The following PSMD5 variants were observed in gnomAD, a reference collection of about 807,000 sequenced individuals.
PSMD5 encodes the protein proteasome 26S subunit, non-ATPase 5.
PSMD5 carries 40 observed loss-of-function variants against 52.1 expected under a neutral mutation model. The observed-to-expected ratio is 0.77, with a 90% CI of 0.60 to 1.00. The LOEUF (loss-of-function observed/expected upper bound fraction) is 1.00. Among genes scored for constraint, PSMD5 ranks in the 50% least tolerant of loss-of-function variants. The pLI is 0.00. For synonymous variants in PSMD5, 211 were observed against 226.6 expected (o/e 0.93, Z 0.62); for missense variants, 575 against 605.2 (o/e 0.95, Z 0.52).
chr9:120,842,210 G>C (rs764556641), intron 1 of PSMD5: 1 of 156,422 alleles, frequency 6.4e-6, no homozygotes, highest in Non-Finnish European at 1.4e-5. Context: ...TCCCTCGTGG[G>C]AACTCTCTTG....
chr9:120,818,601 C>A (rs1282459409), intron 9 of PSMD5, among the ~76,000 whole-genome samples: 1 of 151,914 alleles, frequency 6.6e-6, no homozygotes, highest in Non-Finnish European at 1.5e-5. Flanking sequence ...AGTGCACAAA[C>A]ATTTTCAAGA....
intron 6 of PSMD5, 70 bp downstream of exon 6, chr9:120,826,695 C>A: frequency 2.0e-6 from 3 of 1,524,096 alleles, no homozygotes; most frequent in Non-Finnish European, 2.7e-6. Context: ...CTACCCCAAC[C>A]CCCTGATGTC....
intron 1 of PSMD5, among the ~76,000 whole-genome samples, chr9:120,838,106 G>C (rs1450146527): frequency 6.6e-6 from 1 of 152,250 alleles, no homozygotes; most frequent in African/African-American, 2.4e-5. Context: ...CAGATCAGTG[G>C]TTGACTGGTT....
chr9:120,831,566 A>G (rs2045160442), intron 3 of PSMD5, 107 bp from the exon 4 acceptor site: 1 of 1,345,258 alleles, frequency 7.4e-7, no homozygotes. Flanking sequence ...CCCATGTTTT[A>G]GCTATTATTT....
chr9:120,840,501 A>G (rs1049510094), intron 1 of PSMD5, among the ~76,000 whole-genome samples: 5 of 151,682 alleles, frequency 3.3e-5, no homozygotes, highest in African/African-American at 1.2e-4. Context: ...GCTGGAGTGC[A>G]GTGGTGCAAT....
At chr9:120,842,514 A>C (rs1043257717) in intron 1 of PSMD5, 7 of 589,510 alleles carry the variant, frequency 1.2e-5, no homozygotes, top group Non-Finnish European at 2.1e-5. Flanking sequence ...GCTCAGAGGC[A>C]GCGAGGCCAG....
chr9:120,817,886 T>TACA lies in PSMD5; in HGVS notation c.*17_*19dup. ...AAGTTTTGGTCAAAACGTGGTCCTC[T>TACA]ACATGAGCTCTAGAAGAAATCATTC... On this transcript the variant is annotated 3_prime_UTR_variant, in exon 10 of 10. Coordinates refer to ENST00000210313, the MANE Select transcript of PSMD5 (RefSeq NM_005047.4). 6.2e-7 allele frequency: 1 copy of TACA among 1,601,010 alleles called. No individual in the cohort carries two copies. The highest frequency in any genetic ancestry group is 8.5e-7 in the Non-Finnish European group (1 of 1,170,656).
intron 4 of PSMD5, among the ~76,000 whole-genome samples, chr9:120,829,410 T>C (rs934841690): frequency 2.4e-4 from 37 of 152,296 alleles, no homozygotes; most frequent in African/African-American, 8.7e-4. Context: ...ATTATTATTT[T>C]TGAGACAGAG....
chr9:120,824,261 G>C (rs1456235534), intron 7 of PSMD5: 1 of 543,320 alleles, frequency 1.8e-6, no homozygotes, highest in Admixed American at 3.2e-5. Flanking sequence ...GAAATCGATT[G>C]GTAGAAACCT....
In PSMD5 at chr9:120,842,730, C is replaced by G; in HGVS notation, c.173+7G>C. 6.2e-7 allele frequency: 1 copy of G among 1,613,224 alleles called. No homozygotes were observed. The highest frequency in any genetic ancestry group is 8.5e-7 in the Non-Finnish European group (1 of 1,180,010). On this transcript the variant is annotated splice_region_variant and intron_variant, in intron 1 of 9. Coordinates refer to ENST00000210313, the MANE Select transcript of PSMD5 (RefSeq NM_005047.4). ...CTCCTCGGCTCAAGCCCCCGGGGTC[C>G]TCTCACCTATGGTTCTCGTTAAGCA...
At chr9:120,832,326 A>C (rs2045166906) in intron 2 of PSMD5, among the ~76,000 whole-genome samples, 1 of 151,406 alleles carries the variant, frequency 6.6e-6, no homozygotes, top group Non-Finnish European at 1.5e-5. Flanking sequence ...CAGGCAAAGC[A>C]CCTGCTACAG....
Position 120,831,454 on chromosome 9 carries a change from G to A in PSMD5, c.438C>T (p.Ile146=), listed in dbSNP as rs764478153. 6.2e-7 allele frequency: 1 copy of A among 1,606,634 alleles called. No homozygotes were observed. Among genetic ancestry groups the A allele is most frequent in the Non-Finnish European group, 8.5e-7 (1 of 1,177,804 alleles). The change falls in exon 4 of 10, where the codon ATC becomes ATT. Residue 146 remains isoleucine (I), a synonymous_variant. Transcript: ENST00000210313. ...GENLSVAKAA[I]KSLSRISLTQ... is the part of the protein sequence containing the mutation. ...TTAGTGATATTCTTGACAGGGATTT[G>A]ATAGCCTTATAACGAAAGAAAATAT... is the stretch of plus-strand genomic sequence containing the variant.
chr9:120,833,672 CTTTTTTTT>C (rs71385094), intron 1 of PSMD5, among the ~76,000 whole-genome samples: 7 of 85,620 alleles, frequency 8.2e-5, no homozygotes, highest in East Asian at 3.3e-4. Flanking sequence ...CTCTAGTCTT[CTTTTTTTT>C]TTTTTTTTTT....
At chr9:120,833,179 G>C in intron 2 of PSMD5, 133 bp downstream of exon 2, 1 of 1,028,210 alleles carries the variant, frequency 9.7e-7, no homozygotes. Context: ...GGGGGAAAGA[G>C]GGAGCAGAGG....
intron 1 of PSMD5, 163 bp downstream of exon 1, chr9:120,842,574 C>A: frequency 1.2e-6 from 1 of 851,218 alleles, no homozygotes; most frequent in Non-Finnish European, 1.8e-6. Context: ...AACCTGAACC[C>A]CATCTCCTGC....
chr9:120,829,281 A>T (rs2045144558), intron 4 of PSMD5, 73 bp from the exon 5 acceptor site: 4 of 1,389,432 alleles, frequency 2.9e-6, no homozygotes, highest in Non-Finnish European at 3.8e-6. Flanking sequence ...TCTCATTTTA[A>T]GTTAAATGTA....
At chr9:120,818,454 T>G (rs2045060662) in intron 9 of PSMD5, among the ~76,000 whole-genome samples, 1 of 152,108 alleles carries the variant, frequency 6.6e-6, no homozygotes, top group South Asian at 2.1e-4. Context: ...TTAACAATAA[T>G]GTTTACAAAA....
intron 7 of PSMD5, 142 bp from the exon 8 acceptor site, chr9:120,821,606 C>A (rs757065934): frequency 2.5e-5 from 12 of 481,948 alleles, no homozygotes; most frequent in Non-Finnish European, 3.5e-5. Context: ...AACCATCCAT[C>A]TCTAGAACTT....
At position 120,820,957 on chromosome 9, in the gene PSMD5, AG is replaced by A; in HGVS notation, c.1138del (p.Leu380PhefsTer2). 1 of 1,597,098 alleles carries A rather than the reference AG, an allele frequency of 6.3e-7. No homozygotes were observed. The highest frequency in any genetic ancestry group is 8.5e-7 in the Non-Finnish European group (1 of 1,175,678). ...AAACCAGGATTCTGTCATCCTCAGA[AG>A]GTCATCAGTCTGCTGCTCAGGCTAC... is the stretch of plus-strand genomic sequence containing the variant. The part of the protein sequence containing the change: ...YLPPEQQTDD[L>X]LRMTESWFSS... On this transcript the variant is annotated frameshift_variant, in exon 9 of 10. Transcript: ENST00000210313. LOFTEE classifies it high-confidence loss of function.
Sources: allele counts gnomAD v4.1 joint callset (sites outside exome capture counted in the v4.1 genomes callset), GRCh38; gene constraint gnomAD v4.1.1; transcripts MANE v1.5; gene names NCBI Gene and HGNC (gene_info 2026-07-23, HGNC 2026-07-21).